COL24A1: variants seen among roughly 807,000 people sequenced by gnomAD.
The protein encoded by COL24A1 is collagen alpha-1(XXIV) chain.
A neutral mutation model predicts 253.9 loss-of-function variants in COL24A1; 224 were observed. The ratio of observed to expected loss-of-function variants is 0.88; its 90% CI spans 0.79 to 0.99. The LOEUF (loss-of-function observed/expected upper bound fraction) is 0.99, where lower values mean the gene tolerates loss of function less well. COL24A1 is among the 50% of genes least tolerant of loss of function. The probability of loss-of-function intolerance (pLI) is 0.00; values close to 1 mark genes in which losing one functional copy is unlikely to be tolerated. For missense variants in COL24A1, 2,131 were observed against 2,068.5 expected, an observed-to-expected ratio of 1.03 and a Z score of -0.59; for synonymous variants, 685 against 673.7, an observed-to-expected ratio of 1.02 and a Z score of -0.26.
intron 21 of COL24A1, 26 bp from the exon 22 acceptor site, chr1:85,970,297 T>C (rs1268510864): frequency 1.9e-6 from 3 of 1,553,650 alleles, no homozygotes; most frequent in Admixed American, 4.0e-5. Context: ...AGTCAGAACA[T>C]ATTATGGCCT....
At chr1:85,961,596 GTAT>G (rs1221107893) in intron 23 of COL24A1, among the ~76,000 whole-genome samples, 1 of 152,090 alleles carries the variant, frequency 6.6e-6, no homozygotes, top group African/African-American at 2.4e-5. Flanking sequence ...AAATAGTAAC[GTAT>G]CAGTCTGTTC....
chr1:85,957,581 C>T (rs959644995), intron 24 of COL24A1, among the ~76,000 whole-genome samples: 1 of 152,150 alleles, frequency 6.6e-6, no homozygotes, highest in Non-Finnish European at 1.5e-5. Context: ...TGGAGACTGA[C>T]TAGGATCCTC....
chr1:85,763,745 T>C (rs1667077107), intron 53 of COL24A1, among the ~76,000 whole-genome samples: 1 of 152,038 alleles, frequency 6.6e-6, no homozygotes, highest in African/African-American at 2.4e-5. Context: ...TCCACCTGCG[T>C]TGGCCTCCCA....
chr1:85,973,144 T>A (rs879900929), intron 20 of COL24A1, among the ~76,000 whole-genome samples: 26 of 152,248 alleles, frequency 1.7e-4, no homozygotes, highest in Admixed American at 7.2e-4. Flanking sequence ...AGAATTAGAA[T>A]GTTGTGATAT....
At chr1:85,775,312 A>T (rs948976233) in intron 53 of COL24A1, among the ~76,000 whole-genome samples, 1 of 152,176 alleles carries the variant, frequency 6.6e-6, no homozygotes, top group Non-Finnish European at 1.5e-5. Context: ...ATTTTAGAAT[A>T]AGTGGGATGT....
chr1:86,009,480 C>T (rs1571583880), intron 19 of COL24A1, among the ~76,000 whole-genome samples: 1 of 152,128 alleles, frequency 6.6e-6, no homozygotes, highest in South Asian at 2.1e-4. Context: ...TGCTTCTAGG[C>T]TACAAACCTG....
intron 5 of COL24A1, 147 bp from the exon 6 acceptor site, chr1:86,092,467 A>AT (rs996886378): frequency 1.8e-6 from 1 of 557,994 alleles, no homozygotes; most frequent in Non-Finnish European, 3.1e-6. Context: ...TGGTTATTTC[A>AT]TTTTTTAATG....
At chr1:85,863,816 A>G (rs924947894) in intron 37 of COL24A1, among the ~76,000 whole-genome samples, 2 of 152,264 alleles carry the variant, frequency 1.3e-5, no homozygotes, top group African/African-American at 2.4e-5. Context: ...ATCACTGGCC[A>G]TCAGAGAAAT....
intron 14 of COL24A1, among the ~76,000 whole-genome samples, chr1:86,025,554 T>C (rs944903840): frequency 2.6e-5 from 4 of 152,224 alleles, no homozygotes; most frequent in African/African-American, 9.6e-5. Flanking sequence ...ACCAACTGCA[T>C]GGAAAAAATA....
intron 14 of COL24A1, among the ~76,000 whole-genome samples, chr1:86,027,459 T>A (rs1698140862): frequency 6.6e-6 from 1 of 152,114 alleles, no homozygotes; most frequent in Non-Finnish European, 1.5e-5. Flanking sequence ...CAGCTGTGGC[T>A]AAAAGGGGTC....
At chr1:85,911,544 G>A in intron 24 of COL24A1, 111 bp from the exon 25 acceptor site, 1 of 887,918 alleles carries the variant, frequency 1.1e-6, no homozygotes, top group South Asian at 1.5e-5. Context: ...TATCCTAAAT[G>A]TTATCTTGGA....
chr1:85,950,464 A>T (rs971184739), intron 24 of COL24A1, among the ~76,000 whole-genome samples: 5 of 152,214 alleles, frequency 3.3e-5, no homozygotes, highest in African/African-American at 1.2e-4. Context: ...TACAGAAAAT[A>T]CTAAGAGGAG....
intron 37 of COL24A1, among the ~76,000 whole-genome samples, chr1:85,857,652 G>T (rs1678599285): frequency 6.6e-6 from 1 of 151,836 alleles, no homozygotes; most frequent in Non-Finnish European, 1.5e-5. Flanking sequence ...CTCAATGTTG[G>T]AAAGGAGTAA....
chr1:85,781,166 A>C (rs313722), intron 52 of COL24A1, 54 bp downstream of exon 52: 1,031,178 of 1,258,462 alleles, frequency 0.82, 425,078 homozygotes, highest in Non-Finnish European at 0.84. Flanking sequence ...ATATTCTAGA[A>C]ATAGAATTAA....
intron 7 of COL24A1, among the ~76,000 whole-genome samples, chr1:86,086,167 C>A (rs1703050920): frequency 6.6e-6 from 1 of 152,102 alleles, no homozygotes; most frequent in African/African-American, 2.4e-5. Flanking sequence ...TATCTGTCAT[C>A]CAAAACTATA....
chr1:85,737,280 A>T (rs1215473635), intron 58 of COL24A1, 116 bp downstream of exon 58: 1 of 602,678 alleles, frequency 1.7e-6, no homozygotes, highest in African/African-American at 1.9e-5. Context: ...AATAGAGAAT[A>T]ATCTTTGCTT....
chr1:85,754,843 A>G (rs1364356677), intron 55 of COL24A1, among the ~76,000 whole-genome samples: 2 of 152,160 alleles, frequency 1.3e-5, no homozygotes, highest in African/African-American at 2.4e-5. Flanking sequence ...GACACTGTCA[A>G]GCTTATCAAC....
chr1:86,093,801 A>G (rs1268637803), intron 5 of COL24A1, among the ~76,000 whole-genome samples: 1 of 152,142 alleles, frequency 6.6e-6, no homozygotes, highest in Non-Finnish European at 1.5e-5. Flanking sequence ...AGAAAAATAC[A>G]AACAACCCCA....
intron 22 of COL24A1, among the ~76,000 whole-genome samples, chr1:85,965,763 T>C (rs1199605175): frequency 6.6e-6 from 1 of 152,104 alleles, no homozygotes; most frequent in Non-Finnish European, 1.5e-5. Flanking sequence ...AGGAAAAGTG[T>C]TCCAGGCAGA....
Sources: allele counts gnomAD v4.1 joint callset (sites outside exome capture counted in the v4.1 genomes callset), GRCh38; gene constraint gnomAD v4.1.1; transcripts MANE v1.5; gene names NCBI Gene and HGNC (gene_info 2026-07-23, HGNC 2026-07-21).